The following WHAMM variants were observed in gnomAD, a reference collection of about 807,000 sequenced individuals.
WHAMM encodes WASP homolog associated with actin, golgi membranes and microtubules.
Under a neutral mutation model 76.5 loss-of-function variants are expected in WHAMM, and 67 were observed. That is an observed-to-expected ratio of 0.88 (90% CI 0.72 to 1.07). The LOEUF is 1.07. WHAMM is among the 50% of genes least tolerant of loss of function. The pLI is 0.00. For missense variants in WHAMM, 1,021 were observed against 1,051.1 expected (o/e 0.97, Z 0.40); for synonymous variants, 419 against 422.1 (o/e 0.99, Z 0.09).
At chr15:82,821,658 C>T (rs1208539824) in intron 5 of WHAMM, among the ~76,000 whole-genome samples, 1 of 152,170 alleles carries the variant, frequency 6.6e-6, no homozygotes, top group Non-Finnish European at 1.5e-5. Context: ...AAGTACCTCC[C>T]CCATTACTTC....
At chr15:82,813,395 TTTATTTAC>T (rs1158674394) in intron 2 of WHAMM, 119 bp downstream of exon 2, 61 of 1,022,630 alleles carry the variant, frequency 6.0e-5, no homozygotes, top group Non-Finnish European at 7.7e-5. Context: ...ATTATGTTTA[TTTATTTAC>T]TTATTTATTG....
chr15:82,827,279 GTTTT>G (rs759624574), intron 8 of WHAMM, among the ~76,000 whole-genome samples: 1 of 150,998 alleles, frequency 6.6e-6, no homozygotes, highest in Non-Finnish European at 1.5e-5. Flanking sequence ...AATTTAGTGG[GTTTT>G]TTTTTGATAT....
chr15:82,811,016 G>T (rs1279596153), intron 1 of WHAMM, among the ~76,000 whole-genome samples: 1 of 152,164 alleles, frequency 6.6e-6, no homozygotes. Context: ...CACACCCACA[G>T]TTTATTAAGG....
Position 82,821,866 on chromosome 15 carries a change from C to A in WHAMM, c.1271-1234C>A, listed in dbSNP as rs180939008. Among the ~76,000 whole-genome samples, 9 of 152,302 alleles carry A rather than the reference C, an allele frequency of 5.9e-5. No individual in the cohort carries two copies. The East Asian group carries it at 1.3e-3, about 23-fold the overall frequency. ...TATGTCTCTCTCCATTTATTTAAAT[C>A]TTTTTTCCTAAAGTTCCTCCAAGTT... is the stretch of plus-strand genomic sequence containing the variant. On this transcript the variant is annotated intron_variant, in intron 5 of 9. Transcript: ENST00000286760.
rs972580381 is a variant in WHAMM, at chr15:82,834,104, C to T, written c.*568C>T. The T allele has an allele frequency of 6.6e-6, 1 of 152,654 alleles. No individual in the cohort carries two copies. Among genetic ancestry groups the T allele is most frequent in the Non-Finnish European group, 1.5e-5 (1 of 68,704 alleles). 9.5% of individuals were successfully genotyped at this position (152,654 alleles called of 1,614,324 possible). A position where few individuals can be genotyped will look rare whatever the true frequency, so the allele number is the denominator to read the frequency against. On this transcript the variant is annotated 3_prime_UTR_variant, in exon 10 of 10. Transcript: ENST00000286760. ...CCAGGCTAGAGTGCAGTGGCACGATCTTGGCTTACTGCAACCTCCACCTCC... is the reference window on the plus strand; with the variant it reads ...CCAGGCTAGAGTGCAGTGGCACGATTTTGGCTTACTGCAACCTCCACCTCC...
At position 82,810,264 on chromosome 15, in the gene WHAMM, G is replaced by A. The variant is rs1596274630; in HGVS notation, c.538G>A (p.Glu180Lys). The change falls in exon 1 of 10, where the codon GAA becomes AAA. Residue 180 changes from glutamate (E) to lysine (K), a missense_variant. Physicochemically the swap from Glu to Lys is moderately conservative, Grantham distance 56. This residue lies in a region of WHAMM where 501 missense variants were observed against 524.9 expected (regional missense o/e 0.95). Coordinates refer to ENST00000286760, the MANE Select transcript of WHAMM (RefSeq NM_001080435.3). ...FPAEGGAADC[E>K]SPREFRERAL... ...GGCTGAGGGCGGCGCGGCCGACTGC[G>A]AAAGCCCGCGCGAGTTCCGGGAGCG... 2 of 1,381,806 alleles carry A rather than the reference G, an allele frequency of 1.4e-6. No individual in the cohort carries two copies. The highest frequency in any genetic ancestry group is 1.5e-5 in the African/African-American group (1 of 65,894). 85.6% of individuals were successfully genotyped at this position (1,381,806 alleles called of 1,614,324 possible). A position where few individuals can be genotyped will look rare whatever the true frequency, so the allele number is the denominator to read the frequency against.
At chr15:82,823,375 T>C in intron 6 of WHAMM, 88 bp downstream of exon 6, 4 of 1,165,870 alleles carry the variant, frequency 3.4e-6, no homozygotes, top group Non-Finnish European at 4.4e-6. Context: ...ATAAGGTTTT[T>C]ACCAACACAG....
chr15:82,816,372 C>G (rs2050726300), intron 2 of WHAMM, among the ~76,000 whole-genome samples: 2 of 152,310 alleles, frequency 1.3e-5, no homozygotes, highest in South Asian at 2.1e-4. Flanking sequence ...ACACAGATCA[C>G]TCATTTAAAC....
At chr15:82,816,618 A>G (rs761688240) in intron 2 of WHAMM, 74 bp from the exon 3 acceptor site, 26 of 1,413,654 alleles carry the variant, frequency 1.8e-5, no homozygotes, top group East Asian at 5.0e-5. Flanking sequence ...CATGTGACCA[A>G]TTTCCTTTCA....
At chr15:82,827,124 T>C (rs1251498311) in intron 8 of WHAMM, among the ~76,000 whole-genome samples, 1 of 152,146 alleles carries the variant, frequency 6.6e-6, no homozygotes, top group East Asian at 1.9e-4. Context: ...GCACTGGTGG[T>C]TTAGATTGGC....
At chr15:82,826,370 A>G (rs761472582) in intron 6 of WHAMM, 40 bp from the exon 7 acceptor site, 3 of 1,603,274 alleles carry the variant, frequency 1.9e-6, no homozygotes, top group South Asian at 1.1e-5. Context: ...TACCAGGGTA[A>G]TATTAAAAAC....
chr15:82,829,222 G>A (rs192322022), intron 8 of WHAMM, among the ~76,000 whole-genome samples: 16 of 152,314 alleles, frequency 1.1e-4, no homozygotes, highest in Admixed American at 8.5e-4. Context: ...TGTAATCCCA[G>A]CACTTCAGGA....
intron 1 of WHAMM, among the ~76,000 whole-genome samples, chr15:82,812,161 C>G (rs2050638696): frequency 6.6e-6 from 1 of 152,140 alleles, no homozygotes; most frequent in African/African-American, 2.4e-5. Context: ...GAATATTAAT[C>G]TGGGGCATTA....
At chr15:82,826,235 C>G (rs2050930676) in intron 6 of WHAMM, among the ~76,000 whole-genome samples, 175 bp from the exon 7 acceptor site, 1 of 152,196 alleles carries the variant, frequency 6.6e-6, no homozygotes, top group African/African-American at 2.4e-5. Flanking sequence ...CCATAAGCAG[C>G]CAGGCAACCC....
At chr15:82,810,606 G>C in intron 1 of WHAMM, 1 of 985,474 alleles carries the variant, frequency 1.0e-6, no homozygotes, top group Non-Finnish European at 1.2e-6. Flanking sequence ...CTTTTGCCCT[G>C]AAGATGCTGG....
intron 2 of WHAMM, among the ~76,000 whole-genome samples, chr15:82,815,601 C>G (rs2050713227): frequency 6.6e-6 from 1 of 152,086 alleles, no homozygotes. Flanking sequence ...TTGCTGGGTC[C>G]TGTGATTACT....
intron 6 of WHAMM, among the ~76,000 whole-genome samples, chr15:82,823,615 G>C (rs2050876422): frequency 6.6e-6 from 1 of 152,174 alleles, no homozygotes; most frequent in African/African-American, 2.4e-5. Flanking sequence ...ACCCAGGCTA[G>C]AGTGCAGAGG....
rs1223288109 is a variant in WHAMM at position 82,813,250 on chromosome 15, G to T, written c.757G>T (p.Ala253Ser). ...GCCATTTAGGGCTATGCGAGAAGTT[G>T]CAACTTTATGTAAGCTTGATATTTT... ...LQPFRAMREV[A>S]TLCKLDILKS... The change falls in exon 2 of 10, where the codon GCA (alanine) becomes TCA (serine). Residue 253 changes from alanine (A) to serine (S), a missense_variant. This residue lies in a region of WHAMM where 501 missense variants were observed against 524.9 expected (regional missense o/e 0.95). Coordinates refer to ENST00000286760, the MANE Select transcript of WHAMM (RefSeq NM_001080435.3). The T allele has an allele frequency of 1.9e-6, 3 of 1,574,936 alleles. No homozygotes were observed. Among genetic ancestry groups the T allele is most frequent in the Non-Finnish European group, 2.6e-6 (3 of 1,164,430 alleles).
At chr15:82,832,226 A>C (rs2051042320) in intron 9 of WHAMM, among the ~76,000 whole-genome samples, 1 of 152,228 alleles carries the variant, frequency 6.6e-6, no homozygotes, top group Non-Finnish European at 1.5e-5. Context: ...AAGAATAAGA[A>C]AGTGTGAATT....
Sources: allele counts gnomAD v4.1 joint callset (sites outside exome capture counted in the v4.1 genomes callset), GRCh38; gene constraint gnomAD v4.1.1; regional missense constraint gnomAD v4.1.1; transcripts MANE v1.5; gene names NCBI Gene and HGNC (gene_info 2026-07-23, HGNC 2026-07-21).